Variants in TASOR2 observed in about 807,000 individuals in gnomAD.
The protein encoded by TASOR2 is transcription activation suppressor family member 2, also known as protein TASOR 2.
TASOR2 carries 84 observed loss-of-function variants against 199.5 expected under a neutral mutation model. That is an observed-to-expected ratio of 0.42 (90% confidence interval 0.35 to 0.50). The LOEUF is 0.50. TASOR2 is among the 20% of genes least tolerant of loss of function. The pLI is 0.02. For missense variants in TASOR2, 2,796 were observed against 2,835.9 expected, an observed-to-expected ratio of 0.99 and a Z score of 0.32; for synonymous variants, 1,103 against 1,046.6, an observed-to-expected ratio of 1.05 and a Z score of -1.04.
chr10:5,758,348 C>T lies in TASOR2; in HGVS notation c.6887-539C>T, dbSNP rs11595970. ...TGGAGATCAGGAGTTCAAGACCAGC[C>T]TGGGCAACATAGTGAGATCCCATCT... is the stretch of plus-strand genomic sequence containing the variant. On this transcript the variant is annotated intron_variant, in intron 17 of 20. Coordinates refer to ENST00000328090, the Ensembl canonical transcript of TASOR2. 6.1e-3 allele frequency among the ~76,000 whole-genome samples: 926 copies of T among 152,194 alleles called. 16 individuals are homozygous for T. Among genetic ancestry groups the T allele is most frequent in the South Asian group, 0.044 (214 of 4,818 alleles).
intron 6 of TASOR2, among the ~76,000 whole-genome samples, chr10:5,721,933 A>G (rs1188971766): frequency 2.0e-5 from 3 of 152,208 alleles, no homozygotes; most frequent in African/African-American, 7.2e-5. Flanking sequence ...AAAATACCCT[A>G]GTCATTGAAG....
At chr10:5,709,274 C>T (rs191486416) in intron 1 of TASOR2, among the ~76,000 whole-genome samples, 2 of 151,772 alleles carry the variant, frequency 1.3e-5, no homozygotes, top group Non-Finnish European at 2.9e-5. Flanking sequence ...AAGGCAAAAG[C>T]GATTAAGCAT....
In TASOR2 at chr10:5,695,441, G is replaced by A. The variant is rs151187345; in HGVS notation, c.-288+10266G>A. 2.6e-3 allele frequency among the ~76,000 whole-genome samples: 391 copies of A among 152,214 alleles called. 1 individual carries two copies. Among genetic ancestry groups the A allele is most frequent in the African/African-American group, 8.3e-3 (345 of 41,534 alleles). ...CACTAACAGCTAATTATTTAAATTA[G>A]TATGTATTGATTTGGTGTGTAATTA... On this transcript the variant is annotated intron_variant, in intron 1 of 20. Transcript: ENST00000328090.
rs1482882709 is a variant in TASOR2, at chr10:5,751,226, G to T, written c.6606+1199G>T. ...AGTAATAAGTTGGGAGCTAACTTGA[G>T]ACTGTGTAAAATCCTATTCCTTATC... On this transcript the variant is annotated intron_variant, in intron 15 of 20. Coordinates refer to ENST00000328090, the Ensembl canonical transcript of TASOR2. This position sits in a 1 kb window ranked among gnomAD's most constrained non-coding sequence, Gnocchi z 5.3. 6.6e-6 allele frequency among the ~76,000 whole-genome samples: 1 copy of T among 152,206 alleles called. No homozygotes were observed. Among genetic ancestry groups the T allele is most frequent in the African/African-American group, 2.4e-5 (1 of 41,444 alleles).
At chr10:5,709,509 T>C in intron 1 of TASOR2, 1 of 1,226,428 alleles carries the variant, frequency 8.2e-7, no homozygotes. Context: ...CTTTATGATT[T>C]TTTTTCTTTC....
intron 8 of TASOR2, 199 bp from the exon 10 acceptor site, chr10:5,726,686 A>G: frequency 1.7e-6 from 1 of 579,976 alleles, no homozygotes; most frequent in Non-Finnish European, 3.1e-6. Context: ...GTTATTTTAT[A>G]TAGACCCAAC....
chr10:5,724,972 C>T (rs1215054286), intron 8 of TASOR2, among the ~76,000 whole-genome samples: 1 of 152,052 alleles, frequency 6.6e-6, no homozygotes, highest in Non-Finnish European at 1.5e-5. Context: ...GACTGTCCAT[C>T]TCAAAATATT....
chr10:5,713,689 T>A (rs1358867318), intron 2 of TASOR2: 1 of 152,288 alleles, frequency 6.6e-6, no homozygotes, highest in South Asian at 2.1e-4. Flanking sequence ...CAACAAGACA[T>A]TTTGAAATTT....
chr10:5,727,041 C>G lies in TASOR2; in HGVS notation c.425-20C>G. The G allele has an allele frequency of 6.2e-7, 1 of 1,614,004 alleles. No individual in the cohort carries two copies. Among genetic ancestry groups the G allele is most frequent in the Non-Finnish European group, 8.5e-7 (1 of 1,179,916 alleles). ...GATCAACAACCTAACTTTTCTTCTTCTGATTCTCATTCTGCATAGATTTTG... is the reference window on the plus strand; with the variant it reads ...GATCAACAACCTAACTTTTCTTCTTGTGATTCTCATTCTGCATAGATTTTG... On this transcript the variant is annotated intron_variant, in intron 9 of 20. Coordinates refer to ENST00000328090, the Ensembl canonical transcript of TASOR2.
chr10:5,730,776 G>A lies in TASOR2; in HGVS notation c.777G>A (p.Gln259=). 1 of 1,614,174 alleles carries A rather than the reference G, an allele frequency of 6.2e-7. No individual in the cohort carries two copies. The stretch of plus-strand genomic sequence containing the variant: ...AGTGCCCTTCAGAGTCTTTAACTCA[G>A]TTGAACTCTTATTTTTCAGACCCTA... Residue 259 remains glutamine (Q), a synonymous_variant, in exon 11 of 21, where the codon CAG becomes CAA. Coordinates refer to ENST00000328090, the Ensembl canonical transcript of TASOR2. The surrounding 1 kb of genome is among the most constrained non-coding windows in gnomAD (Gnocchi z 4.1).
At chr10:5,761,164 C>T in intron 18 of TASOR2, 126 bp from the exon 20 acceptor site, 1 of 745,916 alleles carries the variant, frequency 1.3e-6, no homozygotes, top group Non-Finnish European at 2.1e-6. Flanking sequence ...CAAAGTGTGT[C>T]ATGAAAAAGA....
In TASOR2 at chr10:5,759,010, G is replaced by A. The variant is rs1413792154; in HGVS notation, c.6992+18G>A. ...GATGAAAGGTAAGGACTTGCTGTGT[G>A]TATGGTTCCTCCTGCCCTGCTGGGG... On this transcript the variant is annotated intron_variant, in intron 18 of 20. Transcript: ENST00000328090. 2 of 1,568,158 alleles carry A rather than the reference G, an allele frequency of 1.3e-6. No individual in the cohort carries two copies. Among genetic ancestry groups the A allele is most frequent in the East Asian group, 2.2e-5 (1 of 44,678 alleles).
chr10:5,746,546 T>A (rs773663188), exon 15 of TASOR2: 1 of 1,614,038 alleles, frequency 6.2e-7, no homozygotes. Context: ...GATGATAATA[T>A]GGGGTGTGCA....
At position 5,720,505 on chromosome 10, in the gene TASOR2, A is replaced by G. The variant is rs1002447131; in HGVS notation, c.-99-39A>G. 1.2e-5 allele frequency: 18 copies of G among 1,494,862 alleles called. No individual in the cohort carries two copies. The highest frequency in any genetic ancestry group is 1.1e-4 in the African/African-American group (8 of 71,406). 92.6% of individuals were successfully genotyped at this position (1,494,862 alleles called of 1,614,324 possible). The stretch of plus-strand genomic sequence containing the variant: ...AAAAACTTGGTACATATGCAGTTCC[A>G]TAGTGCTACCCTGATAATACTTATT... On this transcript the variant is annotated intron_variant, in intron 3 of 20. Transcript: ENST00000328090. The surrounding 1 kb of genome is among the most constrained non-coding windows in gnomAD (Gnocchi z 5.3).
chr10:5,740,540 T>TAA lies in TASOR2; in HGVS notation c.2327+43_2327+44insAA. On this transcript the variant is annotated intron_variant, in intron 13 of 20. Coordinates refer to ENST00000328090, the Ensembl canonical transcript of TASOR2. This position sits in a 1 kb window ranked among gnomAD's most constrained non-coding sequence, Gnocchi z 5.3. ...TTAGTGAAAATGGATGAAACTTTTC[T>TAA]GTTGAGATGAATGTAGTGAGATGGG... 1 of 1,576,206 alleles carries TAA rather than the reference T, an allele frequency of 6.3e-7. No individual in the cohort carries two copies. The highest frequency in any genetic ancestry group is 1.1e-5 in the South Asian group (1 of 87,272).
exon 15 of TASOR2, chr10:5,749,717 G>C: frequency 3.7e-6 from 6 of 1,614,174 alleles, no homozygotes; most frequent in Non-Finnish European, 4.2e-6. Context: ...AAATACAACA[G>C]TACTGTGAAG....
intron 1 of TASOR2, among the ~76,000 whole-genome samples, chr10:5,704,721 T>C (rs957834921): frequency 3.3e-5 from 5 of 152,208 alleles, no homozygotes; most frequent in African/African-American, 1.2e-4. Flanking sequence ...TTTTCTTTTG[T>C]AGTGTATACA....
chr10:5,713,509 C>T (rs1404368921), intron 2 of TASOR2, among the ~76,000 whole-genome samples: 1 of 151,830 alleles, frequency 6.6e-6, no homozygotes, highest in African/African-American at 2.4e-5. Flanking sequence ...GTTAGTGCTT[C>T]GATTAGGTTA....
chr10:5,693,890 A>G (rs944855279), intron 1 of TASOR2, among the ~76,000 whole-genome samples: 26 of 152,318 alleles, frequency 1.7e-4, no homozygotes, highest in Non-Finnish European at 3.4e-4. Context: ...TGAACAGACA[A>G]TGCCTGCCTC....
Sources: gnomAD v4.1 joint callset for allele counts (sites outside exome capture counted in the v4.1 genomes callset) on GRCh38, gnomAD v4.1.1 for gene constraint, Gnocchi (gnomAD v3.1) non-coding constraint, MANE v1.5 for transcripts, NCBI Gene and HGNC (gene_info 2026-07-23, HGNC 2026-07-21) for gene names.